GOLGB1: variants seen among roughly 807,000 people sequenced by gnomAD.
The protein encoded by GOLGB1 is golgin subfamily B member 1.
Under a neutral mutation model 336.9 loss-of-function variants are expected in GOLGB1, and 174 were observed. That is an observed-to-expected ratio of 0.52 (90% CI 0.46 to 0.59). The LOEUF (loss-of-function observed/expected upper bound fraction) is 0.59, where lower values mean the gene tolerates loss of function less well. GOLGB1 is among the 20% of genes least tolerant of loss of function. GOLGB1 has a pLI of 0.00. For missense variants in GOLGB1, 3,331 were observed against 3,645.3 expected, an observed-to-expected ratio of 0.91 and a Z score of 2.22; for synonymous variants, 1,208 against 1,289.2, an observed-to-expected ratio of 0.94 and a Z score of 1.35.
At position 121,696,479 on chromosome 3, in the gene GOLGB1, T is replaced by C. The variant is rs1198494979; in HGVS notation, c.4044A>G (p.Gln1348=). The change falls in exon 13 of 22, where the codon CAA becomes CAG. Residue 1348 remains glutamine (Q), a synonymous_variant. Transcript: ENST00000614479. ...CTAAACCCTGTTTATTTATCTGCTC[T>C]TGTAACTGAAATACCTCTTCTGATT... ...TKKSEEVFQL[Q]EQINKQGLEI... 1 of 1,614,004 alleles carries C rather than the reference T, an allele frequency of 6.2e-7. No individual in the cohort carries two copies. The highest frequency in any genetic ancestry group is 1.3e-5 in the African/African-American group (1 of 74,942).
intron 10 of GOLGB1, among the ~76,000 whole-genome samples, chr3:121,702,841 C>T (rs1046776430): frequency 6.6e-6 from 1 of 152,074 alleles, no homozygotes; most frequent in Non-Finnish European, 1.5e-5. Flanking sequence ...AAGATTGAAG[C>T]CTGGATTACA....
intron 4 of GOLGB1, 121 bp downstream of exon 4, chr3:121,729,067 A>C (rs941950558): frequency 6.0e-6 from 4 of 662,772 alleles, no homozygotes; most frequent in Admixed American, 3.0e-5. Context: ...GAAAAAAAAA[A>C]ACAAAACATT....
chr3:121,713,703 G>A (rs1213791236), intron 10 of GOLGB1, among the ~76,000 whole-genome samples: 2 of 152,082 alleles, frequency 1.3e-5, no homozygotes, highest in Admixed American at 1.3e-4. Flanking sequence ...GGGTAACACA[G>A]GTGTATGCAT....
Position 121,692,018 on chromosome 3 carries a change from G to A in GOLGB1, c.7346C>T (p.Thr2449Ile), listed in dbSNP as rs749604269. Residue 2449 changes from threonine to isoleucine, a missense_variant, in exon 14 of 22, where the codon ACA (threonine) becomes ATA (isoleucine). By Grantham distance (89) the Thr-to-Ile change is moderately conservative. Coordinates refer to ENST00000614479, the MANE Select transcript of GOLGB1 (RefSeq NM_001366282.2). ...GTTTTCCTTTTTGATGGTTTTCAGT[G>A]TTTCCATAAGCTGATTGGTTTTATC... The part of the protein sequence containing the change: ...AVDKTNQLME[T>I]LKTIKKENIQ... 1 of 1,613,388 alleles carries A rather than the reference G, an allele frequency of 6.2e-7. No individual in the cohort carries two copies. Among genetic ancestry groups the A allele is most frequent in the Non-Finnish European group, 8.5e-7 (1 of 1,179,728 alleles).
At chr3:121,677,235 T>C (rs1307423396) in intron 16 of GOLGB1, 50 bp downstream of exon 16, 3 of 1,424,406 alleles carry the variant, frequency 2.1e-6, no homozygotes, top group Non-Finnish European at 1.9e-6. Context: ...ATCATCATCA[T>C]TTGTTTAAAA....
chr3:121,730,186 A>G (rs1360608757), intron 2 of GOLGB1, 169 bp from the exon 3 acceptor site: 2 of 499,242 alleles, frequency 4.0e-6, no homozygotes, highest in Non-Finnish European at 7.0e-6. Flanking sequence ...CAATATATTA[A>G]GTATTTTATA....
intron 1 of GOLGB1, among the ~76,000 whole-genome samples, 166 bp downstream of exon 1, chr3:121,749,466 A>C (rs1034232055): frequency 6.6e-6 from 1 of 152,162 alleles, no homozygotes; most frequent in Admixed American, 6.5e-5. Flanking sequence ...TAGGCCTGGT[A>C]GGTGAAGGAG....
At chr3:121,740,408 A>C (rs1033257161) in intron 1 of GOLGB1, among the ~76,000 whole-genome samples, 1 of 152,204 alleles carries the variant, frequency 6.6e-6, no homozygotes, top group Non-Finnish European at 1.5e-5. Context: ...AAAAGAAATG[A>C]ACTAAATGCA....
Position 121,667,515 on chromosome 3 carries a change from G to A in GOLGB1, c.9515C>T (p.Ala3172Val). 1 of 1,613,728 alleles carries A rather than the reference G, an allele frequency of 6.2e-7. No homozygotes were observed. Among genetic ancestry groups the A allele is most frequent in the Non-Finnish European group, 8.5e-7 (1 of 1,179,890 alleles). ...CTCGGCCACAGAGAGAGCATTCTCA[G>A]CAGCCACTCTTTGGTCTCGTTCTTC... ...LEEERDQRVA[A>V]ENALSVAEEQ... The change falls in exon 20 of 22, where the codon GCT becomes GTT. Residue 3172 changes from alanine (A) to valine (V), a missense_variant. Transcript: ENST00000614479.
chr3:121,723,912 A>C (rs9812166), intron 5 of GOLGB1, among the ~76,000 whole-genome samples: 5,623 of 152,292 alleles, frequency 0.037, 156 homozygotes, highest in Non-Finnish European at 0.057. Flanking sequence ...ATCCCATTTA[A>C]GTTACTATTA....
At chr3:121,737,651 C>CAAA (rs35553866) in intron 1 of GOLGB1, among the ~76,000 whole-genome samples, 2 of 116,232 alleles carry the variant, frequency 1.7e-5, no homozygotes, top group East Asian at 2.2e-4. Context: ...GACCGCGTCT[C>CAAA]AAAAAAAAAA....
At chr3:121,669,787 A>G (rs529938384) in intron 17 of GOLGB1, among the ~76,000 whole-genome samples, 1 of 152,342 alleles carries the variant, frequency 6.6e-6, no homozygotes, top group Non-Finnish European at 1.5e-5. Context: ...AATCTGTGCA[A>G]TAATATTCCT....
At position 121,664,542 on chromosome 3, in the gene GOLGB1, C is replaced by T; in HGVS notation, c.9733G>A (p.Ala3245Thr). Residue 3245 changes from alanine (A) to threonine (T), a missense_variant, in exon 22 of 22, where the codon GCA (alanine) becomes ACA (threonine). Physicochemically the swap from Ala to Thr is moderately conservative, Grantham distance 58 (BLOSUM62 0). Coordinates refer to ENST00000614479, the MANE Select transcript of GOLGB1 (RefSeq NM_001366282.2). ...TGAATCATTAGAAAGTAGATGGCTG[C>T]TAGAAGTGGCACTCGGGTCCGTGAA... ...CHSRTRVPLL[A>T]AIYFLMIHVL... is the part of the protein sequence containing the mutation. The T allele has an allele frequency of 6.2e-7, 1 of 1,613,596 alleles. No individual in the cohort carries two copies. Among genetic ancestry groups the T allele is most frequent in the Non-Finnish European group, 8.5e-7 (1 of 1,179,528 alleles).
At position 121,682,746 on chromosome 3, in the gene GOLGB1, T is replaced by C. The variant is rs571110404; in HGVS notation, c.8695-881A>G. Among the ~76,000 whole-genome samples, 4 of 152,280 alleles carry C rather than the reference T, an allele frequency of 2.6e-5. No homozygotes were observed. The South Asian group carries it at 8.3e-4, about 32-fold the overall frequency. On this transcript the variant is annotated intron_variant, in intron 14 of 21. Transcript: ENST00000614479. ...CATCGCTAAAGCTAAAATAATAGCA[T>C]TTTTTAAAGCACAAAACACAAGAAC...
At chr3:121,675,082 C>G (rs1940172316) in intron 17 of GOLGB1, among the ~76,000 whole-genome samples, 1 of 151,034 alleles carries the variant, frequency 6.6e-6, no homozygotes, top group Non-Finnish European at 1.5e-5. Flanking sequence ...ATGATCCACC[C>G]GCCTCGGCCT....
intron 1 of GOLGB1, 104 bp from the exon 2 acceptor site, chr3:121,731,077 T>C: frequency 8.8e-7 from 1 of 1,137,174 alleles, no homozygotes; most frequent in Non-Finnish European, 1.2e-6. Context: ...AAGAATACTG[T>C]ACAGGTGATT....
In GOLGB1 at chr3:121,696,901, C is replaced by T; in HGVS notation, c.3622G>A (p.Glu1208Lys). Residue 1208 changes from glutamate (E) to lysine (K), a missense_variant, in exon 13 of 22, where the codon GAG becomes AAG. Physicochemically the swap from Glu to Lys is moderately conservative, Grantham distance 56. Coordinates refer to ENST00000614479, the MANE Select transcript of GOLGB1 (RefSeq NM_001366282.2). ...TCATCTTTCTGTTGCTTTAGCTCCT[C>T]CCTGAGATGTCTTTCTTTCTCCTGT... ...KAQEKERHLR[E>K]ELKQQKDDYN... is the part of the protein sequence containing the mutation. The T allele has an allele frequency of 6.2e-7, 1 of 1,614,156 alleles. No individual in the cohort carries two copies. Among genetic ancestry groups the T allele is most frequent in the East Asian group, 2.2e-5 (1 of 44,884 alleles).
At chr3:121,709,707 G>A (rs947142453) in intron 10 of GOLGB1, among the ~76,000 whole-genome samples, 1 of 152,098 alleles carries the variant, frequency 6.6e-6, no homozygotes, top group East Asian at 1.9e-4. Flanking sequence ...ATGTTCATAT[G>A]AGAAAAGAAG....
chr3:121,672,493 T>C lies in GOLGB1; in HGVS notation c.9178-3138A>G, dbSNP rs1377785604. Reference sequence around the variant, plus strand: ...AGTTGAGTTATTTGTTTTCCTGCTATTTAATTGTTTGAGTCCCTTATATAT... The same window carrying C: ...AGTTGAGTTATTTGTTTTCCTGCTACTTAATTGTTTGAGTCCCTTATATAT... On this transcript the variant is annotated intron_variant, in intron 17 of 21. Coordinates refer to ENST00000614479, the MANE Select transcript of GOLGB1 (RefSeq NM_001366282.2). Among the ~76,000 whole-genome samples, 4 of 152,260 alleles carry C rather than the reference T, an allele frequency of 2.6e-5. No homozygotes were observed. The East Asian group carries it at 7.7e-4, about 29-fold the overall frequency.
Sources: allele counts gnomAD v4.1 joint callset (sites outside exome capture counted in the v4.1 genomes callset), GRCh38; gene constraint gnomAD v4.1.1; transcripts MANE v1.5; gene names NCBI Gene and HGNC (gene_info 2026-07-23, HGNC 2026-07-21).